The following DOCK9 variants were observed in gnomAD, a reference collection of about 807,000 sequenced individuals.
The protein encoded by DOCK9 is dedicator of cytokinesis protein 9.
Under a neutral mutation model 263.3 loss-of-function variants are expected in DOCK9, and 89 were observed. The ratio of observed to expected loss-of-function variants is 0.34; its 90% CI spans 0.28 to 0.40. The LOEUF (loss-of-function observed/expected upper bound fraction) is 0.40, where lower values mean the gene tolerates loss of function less well. Among genes scored for constraint, DOCK9 ranks in the 10% least tolerant of loss-of-function variants. The probability of loss-of-function intolerance (pLI) is 1.00; values close to 1 mark genes in which losing one functional copy is unlikely to be tolerated. For synonymous variants in DOCK9, 976 were observed against 973.1 expected (o/e 1.00, Z -0.06); for missense variants, 2,140 against 2,603.4 (o/e 0.82, Z 3.87).
intron 1 of DOCK9, among the ~76,000 whole-genome samples, chr13:99,078,477 G>A (rs938055355): frequency 7.9e-5 from 12 of 152,258 alleles, no homozygotes; most frequent in Non-Finnish European, 1.3e-4. Context: ...CTGAGAGGCC[G>A]CCCCACACTA....
At chr13:99,047,040 G>T (rs2390183) in intron 1 of DOCK9, among the ~76,000 whole-genome samples, 45,650 of 151,962 alleles carry the variant, frequency 0.3, 7,212 homozygotes, top group East Asian at 0.43. Flanking sequence ...TTTAAAACAC[G>T]GCCAAACAGC....
chr13:98,854,302 T>C (rs1007115351), intron 34 of DOCK9, among the ~76,000 whole-genome samples: 1 of 151,934 alleles, frequency 6.6e-6, no homozygotes. Flanking sequence ...GAATTTCCAA[T>C]TGAAATAAAA....
At chr13:98,958,582 T>A (rs1342370276) in intron 1 of DOCK9, among the ~76,000 whole-genome samples, 1 of 152,232 alleles carries the variant, frequency 6.6e-6, no homozygotes, top group Non-Finnish European at 1.5e-5. Flanking sequence ...AGACAATAAG[T>A]AAACACATGG....
At chr13:98,950,150 A>T (rs1277308484) in intron 2 of DOCK9, 2 of 617,012 alleles carry the variant, frequency 3.2e-6, no homozygotes, top group Non-Finnish European at 5.6e-6. Context: ...TGCACCAGTG[A>T]AGTCACACCA....
chr13:98,814,272 T>C (rs1408382178), intron 45 of DOCK9, among the ~76,000 whole-genome samples: 1 of 152,216 alleles, frequency 6.6e-6, no homozygotes, highest in Admixed American at 6.5e-5. Context: ...CTGCTTTTAT[T>C]GCAGGTCTCA....
chr13:98,794,599 T>C lies in DOCK9; in HGVS notation c.*27A>G, dbSNP rs2089097507. 1 of 1,559,720 alleles carries C rather than the reference T, an allele frequency of 6.4e-7. No individual in the cohort carries two copies. Among genetic ancestry groups the C allele is most frequent in the Non-Finnish European group, 8.7e-7 (1 of 1,151,538 alleles). On this transcript the variant is annotated 3_prime_UTR_variant, in exon 53 of 53. Coordinates refer to ENST00000682017, the MANE Select transcript of DOCK9 (RefSeq NM_001366683.2). The stretch of plus-strand genomic sequence containing the variant: ...CTGAGTTTGCAAATGACAAAGCAAG[T>C]CCCCACACACGGGCCATGAGATGTA...
chr13:98,925,994 T>A, intron 3 of DOCK9, 75 bp from the exon 4 acceptor site: 7 of 1,275,580 alleles, frequency 5.5e-6, no homozygotes, highest in Non-Finnish European at 6.4e-6. Flanking sequence ...TTGGGAAAGT[T>A]TGTGAAGGCA....
At chr13:98,821,089 G>C (rs1348781809) in intron 45 of DOCK9, among the ~76,000 whole-genome samples, 3 of 152,230 alleles carry the variant, frequency 2.0e-5, no homozygotes, top group Non-Finnish European at 4.4e-5. Context: ...TCAGCAGATA[G>C]GTGGATAATG....
intron 1 of DOCK9, among the ~76,000 whole-genome samples, chr13:98,964,308 A>G (rs1685979676): frequency 6.6e-6 from 1 of 152,162 alleles, no homozygotes; most frequent in Non-Finnish European, 1.5e-5. Flanking sequence ...AGCACCTAGA[A>G]CAGCACCCAG....
intron 1 of DOCK9, chr13:99,025,320 A>C (rs1325859703): frequency 6.6e-6 from 1 of 152,238 alleles, no homozygotes; most frequent in Non-Finnish European, 1.5e-5. Context: ...GATGACACAC[A>C]AATTCATGAA....
chr13:98,962,504 C>T (rs747592454), intron 1 of DOCK9, among the ~76,000 whole-genome samples: 4 of 152,156 alleles, frequency 2.6e-5, no homozygotes, highest in Non-Finnish European at 5.9e-5. Flanking sequence ...CCGAGCTGTG[C>T]AGTCATGTGA....
chr13:98,912,710 G>A lies in DOCK9; in HGVS notation c.960+1618C>T, dbSNP rs529892717. ...GTAAGAGAAGGAGGGGACCGTTCCTGTATATCCTCATAGGAAAAAGCATAG... is the reference window on the plus strand; with the variant it reads ...GTAAGAGAAGGAGGGGACCGTTCCTATATATCCTCATAGGAAAAAGCATAG... On this transcript the variant is annotated intron_variant, in intron 9 of 52. Transcript: ENST00000682017. Among the ~76,000 whole-genome samples the A allele has an allele frequency of 7.9e-5, 12 of 152,216 alleles. No homozygotes were observed. In the East Asian group the frequency reaches 1.9e-3, roughly 24 times the overall value.
intron 1 of DOCK9, among the ~76,000 whole-genome samples, chr13:98,999,528 C>T (rs1236249155): frequency 6.6e-6 from 1 of 152,154 alleles, no homozygotes; most frequent in African/African-American, 2.4e-5. Context: ...CCAAGTCCTG[C>T]GTGTCTGGGG....
At chr13:98,941,179 C>T (rs911448682) in intron 2 of DOCK9, among the ~76,000 whole-genome samples, 5 of 152,196 alleles carry the variant, frequency 3.3e-5, no homozygotes, top group African/African-American at 1.2e-4. Context: ...TGTCTCCTGC[C>T]TGACTTGAGA....
rs535191163 is a variant in DOCK9, at chr13:98,824,474, C to A, written c.5054G>T (p.Arg1685Met). The stretch of plus-strand genomic sequence containing the variant: ...CTCGTCGATGTTTGGGGTAATGACC[C>A]TGAAGGCGGTGCATCCTTGTCTAAA... The part of the protein sequence containing the change: ...GVFRQGCTAF[R>M]VITPNIDEEA... Residue 1685 changes from arginine to methionine, a missense_variant, in exon 45 of 53, where the codon AGG becomes ATG. Physicochemically the swap from Arg to Met is moderately conservative, Grantham distance 91. Around this residue, in one of 2 missense-constraint regions of DOCK9, gnomAD observed 619 missense variants for 861.8 expected, o/e 0.72. Transcript: ENST00000682017. 1.9e-6 allele frequency: 3 copies of A among 1,613,894 alleles called. No homozygotes were observed. The South Asian group carries it at 3.3e-5, about 18-fold the overall frequency.
At chr13:98,864,049 A>G (rs942021226) in intron 30 of DOCK9, among the ~76,000 whole-genome samples, 7 of 152,218 alleles carry the variant, frequency 4.6e-5, no homozygotes, top group African/African-American at 9.6e-5. Context: ...TAATGTCTAT[A>G]TACTCCATTA....
intron 34 of DOCK9, chr13:98,854,540 G>C (rs536178989): frequency 1.3e-5 from 2 of 152,216 alleles, no homozygotes; most frequent in Admixed American, 6.5e-5. Context: ...CTGCCCACTT[G>C]ATCAGAGCCA....
At chr13:99,052,422 G>T (rs2040738174) in intron 1 of DOCK9, among the ~76,000 whole-genome samples, 1 of 152,196 alleles carries the variant, frequency 6.6e-6, no homozygotes, top group South Asian at 2.1e-4. Flanking sequence ...TATCCTAAAT[G>T]ATTTCAAAGT....
At chr13:98,910,139 C>CAT (rs1309866346) in intron 9 of DOCK9, among the ~76,000 whole-genome samples, 2 of 152,110 alleles carry the variant, frequency 1.3e-5, no homozygotes, top group Non-Finnish European at 2.9e-5. Context: ...AAGGAGGTGA[C>CAT]ATATATGTTC....
Sources: allele counts gnomAD v4.1 joint callset (sites outside exome capture counted in the v4.1 genomes callset), GRCh38; gene constraint gnomAD v4.1.1; regional missense constraint gnomAD v4.1.1; transcripts MANE v1.5; gene names NCBI Gene and HGNC (gene_info 2026-07-23, HGNC 2026-07-21).